The following BIRC3 variants were observed in gnomAD, a reference collection of about 807,000 sequenced individuals.
BIRC3 encodes the protein baculoviral IAP repeat-containing protein 3.
A neutral mutation model predicts 59.0 loss-of-function variants in BIRC3; 26 were observed. The ratio of observed to expected loss-of-function variants is 0.44; its 90% CI spans 0.32 to 0.61. The LOEUF is 0.61. Ranked by LOEUF, BIRC3 falls within the 20% of genes least tolerant of loss-of-function variation. The pLI is 0.04. For synonymous variants in BIRC3, 243 were observed against 249.2 expected (o/e 0.98, Z 0.24); for missense variants, 641 against 711.5 (o/e 0.90, Z 1.13).
chr11:102,333,075 T>A (rs1024112807), intron 6 of BIRC3, among the ~76,000 whole-genome samples: 4 of 152,178 alleles, frequency 2.6e-5, no homozygotes, highest in African/African-American at 7.2e-5. Flanking sequence ...ATTTACATTG[T>A]GAAAAAGAGC....
intron 1 of BIRC3, among the ~76,000 whole-genome samples, chr11:102,319,219 A>AT (rs17879472): frequency 0.26 from 38,698 of 150,134 alleles, 5,509 homozygotes; most frequent in Admixed American, 0.34. Context: ...AATTTTTTGT[A>AT]TTTTTTTTAG....
intron 4 of BIRC3, 79 bp from the exon 5 acceptor site, chr11:102,328,818 A>G: frequency 1.9e-6 from 1 of 534,852 alleles, no homozygotes; most frequent in Non-Finnish European, 2.7e-6. Flanking sequence ...CTGTTGGGTC[A>G]TTTTCATTGC....
Position 102,337,025 on chromosome 11 carries a change from G to T in BIRC3, c.1738G>T (p.Asp580Tyr), listed in dbSNP as rs1304922616. Residue 580 changes from aspartate (D) to tyrosine (Y), a missense_variant, in exon 9 of 9, where the codon GAT (aspartate) becomes TAT (tyrosine). Coordinates refer to ENST00000263464, the MANE Select transcript of BIRC3 (RefSeq NM_001165.5). ...IPCGHLVVCK[D>Y]CAPSLRKCPI... ...TTGTGGTCATCTAGTAGTATGCAAA[G>T]ATTGTGCTCCTTCTTTAAGAAAGTG... 6.2e-7 allele frequency: 1 copy of T among 1,602,340 alleles called. No homozygotes were observed. Among genetic ancestry groups the T allele is most frequent in the Non-Finnish European group, 8.5e-7 (1 of 1,177,428 alleles).
intron 7 of BIRC3, chr11:102,336,430 A>G: frequency 1.7e-6 from 1 of 589,184 alleles, no homozygotes; most frequent in Non-Finnish European, 2.9e-6. Context: ...CATCACTACA[A>G]AAAATTTTTA....
At position 102,325,485 on chromosome 11, in the gene BIRC3, A is replaced by T; in HGVS notation, c.873A>T (p.Lys291Asn). 6.2e-7 allele frequency: 1 copy of T among 1,612,574 alleles called. No homozygotes were observed. ...FYYVGNSDDV[K>N]CFCCDGGLRC... ...TTTTAGGTAACAGTGATGATGTCAAATGCTTTTGCTGTGATGGTGGACTCA... is the reference window on the plus strand; with the variant it reads ...TTTTAGGTAACAGTGATGATGTCAATTGCTTTTGCTGTGATGGTGGACTCA... Residue 291 changes from lysine (K) to asparagine (N), a missense_variant, in exon 3 of 9, where the codon AAA becomes AAT. Coordinates refer to ENST00000263464, the MANE Select transcript of BIRC3 (RefSeq NM_001165.5).
At position 102,322,780 on chromosome 11, in the gene BIRC3, A is replaced by T. The variant is rs1477336502; in HGVS notation, c.-1730A>T. ...AACCATGCTTGCAAACCACTGGTAA[A>T]AAAAAAAAAAAAAAAAAAAAAAAGC... is the stretch of plus-strand genomic sequence containing the variant. On this transcript the variant is annotated 5_prime_UTR_variant, in exon 2 of 9. Coordinates refer to ENST00000263464, the MANE Select transcript of BIRC3 (RefSeq NM_001165.5). The T allele has an allele frequency of 5.0e-5, 7 of 141,148 alleles. No homozygotes were observed. The highest frequency in any genetic ancestry group is 1.8e-4 in the African/African-American group (6 of 32,964). The allele number at this position is 141,148 out of a possible 1,614,324, so 8.7% of individuals were successfully genotyped here.
rs1469717668 is a variant in BIRC3 at position 102,337,467 on chromosome 11, G to T, written c.*365G>T. 2 of 397,822 alleles carry T rather than the reference G, an allele frequency of 5.0e-6. No homozygotes were observed. The highest frequency in any genetic ancestry group is 8.9e-6 in the Non-Finnish European group (2 of 225,834). 24.6% of individuals were successfully genotyped at this position (397,822 alleles called of 1,614,324 possible). ...ATACCGGGAACATGAAGCCAGGTGT[G>T]GTGGTATGTGCCTGTAGTCCCAGGC... is the stretch of plus-strand genomic sequence containing the variant. On this transcript the variant is annotated 3_prime_UTR_variant, in exon 9 of 9. Transcript: ENST00000263464.
Position 102,331,066 on chromosome 11 carries a change from T to C in BIRC3, c.1149T>C (p.Asn383=), listed in dbSNP as rs990707808. 1.9e-6 allele frequency: 3 copies of C among 1,613,890 alleles called. No homozygotes were observed. Among genetic ancestry groups the C allele is most frequent in the African/African-American group, 1.3e-5 (1 of 75,032 alleles). Residue 383 remains asparagine (N), a synonymous_variant, in exon 6 of 9, where the codon AAT becomes AAC. Coordinates refer to ENST00000263464, the MANE Select transcript of BIRC3 (RefSeq NM_001165.5). ...DAIMMNTPVI[N]AAVEMGFSRS... ...TCATGATGAATACTCCTGTGATTAA[T>C]GCTGCCGTGGAAATGGGCTTTAGTA...
chr11:102,328,881 T>TA lies in BIRC3; in HGVS notation c.1033-16_1033-15insA, dbSNP rs763326506. ...ATTTATATATATATATATATATATA[T>TA]TTTTTTTTTCTGCAGCTGCTATCCA... is the stretch of plus-strand genomic sequence containing the variant. On this transcript the variant is annotated splice_polypyrimidine_tract_variant and intron_variant, in intron 4 of 8. Coordinates refer to ENST00000263464, the MANE Select transcript of BIRC3 (RefSeq NM_001165.5). 157 of 966,672 alleles carry TA rather than the reference T, an allele frequency of 1.6e-4. No homozygotes were observed. The highest frequency in any genetic ancestry group is 1.6e-3 in the East Asian group (34 of 21,854). 59.9% of individuals were successfully genotyped at this position (966,672 alleles called of 1,614,324 possible).
chr11:102,326,867 C>A (rs1436792235), intron 3 of BIRC3: 1 of 427,574 alleles, frequency 2.3e-6, no homozygotes, highest in East Asian at 7.2e-5. Context: ...CGCTAGCATG[C>A]CCAGCTAATT....
chr11:102,332,812 G>C (rs558164492), intron 6 of BIRC3, among the ~76,000 whole-genome samples: 88 of 152,184 alleles, frequency 5.8e-4, no homozygotes, highest in Non-Finnish European at 1.1e-3. Context: ...ATACAGTCAC[G>C]GTTAACCTTT....
intron 6 of BIRC3, 86 bp downstream of exon 6, chr11:102,331,327 C>A: frequency 7.7e-7 from 1 of 1,302,994 alleles, no homozygotes; most frequent in Non-Finnish European, 1.0e-6. Flanking sequence ...TCTAGCATAT[C>A]TGAAAATATA....
At position 102,331,146 on chromosome 11, in the gene BIRC3, A is replaced by G. The variant is rs1478543681; in HGVS notation, c.1229A>G (p.Tyr410Cys). Reference sequence around the variant, plus strand: ...AAAATCCTAGCAACTGGAGAGAATTATAGACTAGTCAATGATCTTGTGTTA... The same window carrying G: ...AAAATCCTAGCAACTGGAGAGAATTGTAGACTAGTCAATGATCTTGTGTTA... ...QRKILATGEN[Y>C]RLVNDLVLDL... The change falls in exon 6 of 9, where the codon TAT (tyrosine) becomes TGT (cysteine). Residue 410 changes from tyrosine (Y) to cysteine (C), a missense_variant. Tyr to Cys is a radical substitution (Grantham distance 194, BLOSUM62 -2). Transcript: ENST00000263464. 5 of 1,613,732 alleles carry G rather than the reference A, an allele frequency of 3.1e-6. No homozygotes were observed. In the Admixed American group the frequency reaches 6.7e-5, roughly 22 times the overall value.
chr11:102,337,068 C>A lies in BIRC3; in HGVS notation c.1781C>A (p.Thr594Lys). ...SLRKCPICRSTIKGTVRTFLS is the reference protein window; with the variant it reads ...SLRKCPICRSKIKGTVRTFLS ...AGAAAGTGTCCTATTTGTAGGAGTACAATCAAGGGTACAGTTCGTACATTT... is the reference window on the plus strand; with the variant it reads ...AGAAAGTGTCCTATTTGTAGGAGTAAAATCAAGGGTACAGTTCGTACATTT... The change falls in exon 9 of 9, where the codon ACA becomes AAA. Residue 594 changes from threonine to lysine, a missense_variant. Thr to Lys is a moderately conservative substitution (Grantham distance 78). Coordinates refer to ENST00000263464, the MANE Select transcript of BIRC3 (RefSeq NM_001165.5). 1 of 1,577,934 alleles carries A rather than the reference C, an allele frequency of 6.3e-7. No homozygotes were observed. Among genetic ancestry groups the A allele is most frequent in the Middle Eastern group, 1.7e-4 (1 of 5,962 alleles).
At chr11:102,328,866 AT>A in intron 4 of BIRC3, 30 bp from the exon 5 acceptor site, 1 of 753,042 alleles carries the variant, frequency 1.3e-6, no homozygotes, top group Non-Finnish European at 1.8e-6. Context: ...ATTTATATAT[AT>A]ATATATATAT....
At chr11:102,326,636 G>GC (rs1555042661) in intron 3 of BIRC3, 5 of 443,010 alleles carry the variant, frequency 1.1e-5, no homozygotes, top group African/African-American at 2.0e-5. Context: ...AAGCTGCACT[G>GC]TTTTTTTTCT....
chr11:102,337,773 G>A lies in BIRC3; in HGVS notation c.*671G>A. On this transcript the variant is annotated 3_prime_UTR_variant, in exon 9 of 9. Transcript: ENST00000263464. ...TATTTCAATGACATTGGATAGTTTA[G>A]TCACTCCCAGACTCTTTCCATACCT... 1 of 237,390 alleles carries A rather than the reference G, an allele frequency of 4.2e-6. No homozygotes were observed. The highest frequency in any genetic ancestry group is 2.2e-5 in the African/African-American group (1 of 45,624). 14.7% of individuals were successfully genotyped at this position (237,390 alleles called of 1,614,324 possible).
rs1007064820 is a variant in BIRC3, at chr11:102,330,827, G to A, written c.1082-172G>A. On this transcript the variant is annotated intron_variant, in intron 5 of 8. Coordinates refer to ENST00000263464, the MANE Select transcript of BIRC3 (RefSeq NM_001165.5). ...CCAAGTTGTTATTTAATGACTGAAC[G>A]TGTATATCATTTTAAATTTAACAAT... is the stretch of plus-strand genomic sequence containing the variant. Among the ~76,000 whole-genome samples the A allele has an allele frequency of 4.6e-5, 7 of 152,208 alleles. No individual in the cohort carries two copies. The East Asian group carries it at 5.8e-4, about 13-fold the overall frequency.
chr11:102,328,664 GT>G (rs1265134858), intron 4 of BIRC3, among the ~76,000 whole-genome samples: 1 of 152,024 alleles, frequency 6.6e-6, no homozygotes, highest in African/African-American at 2.4e-5. Flanking sequence ...ATGAAAATGG[GT>G]TTTGTTATTA....
Sources: allele counts gnomAD v4.1 joint callset (sites outside exome capture counted in the v4.1 genomes callset), GRCh38; gene constraint gnomAD v4.1.1; transcripts MANE v1.5; gene names NCBI Gene and HGNC (gene_info 2026-07-23, HGNC 2026-07-21).